Variants in FAM135B observed in about 807,000 individuals in gnomAD.
FAM135B encodes the protein protein FAM135B.
In FAM135B, 43 loss-of-function variants were observed where a neutral mutation model predicts 127.7. The ratio of observed to expected loss-of-function variants is 0.34; its 90% CI spans 0.26 to 0.43. The LOEUF (loss-of-function observed/expected upper bound fraction) is 0.43, where lower values mean the gene tolerates loss of function less well. Ranked by LOEUF, FAM135B falls within the 20% of genes least tolerant of loss-of-function variation. The pLI is 1.00. For synonymous variants in FAM135B, 670 were observed against 665.1 expected, an observed-to-expected ratio of 1.01 and a Z score of -0.11; for missense variants, 1,558 against 1,725.6, an observed-to-expected ratio of 0.90 and a Z score of 1.72.
At chr8:138,156,404 A>G (rs1181318866) in intron 12 of FAM135B, among the ~76,000 whole-genome samples, 1 of 152,188 alleles carries the variant, frequency 6.6e-6, no homozygotes, top group Non-Finnish European at 1.5e-5. Flanking sequence ...GCAAGAGCAA[A>G]CACATTCAAA....
chr8:138,226,275 A>G (rs7819795), intron 7 of FAM135B, among the ~76,000 whole-genome samples: 30,020 of 151,534 alleles, frequency 0.2, 3,117 homozygotes, highest in East Asian at 0.33. Context: ...TGGAGACACC[A>G]TGATGAACAA....
At chr8:138,377,450 C>A (rs1318345632) in intron 1 of FAM135B, among the ~76,000 whole-genome samples, 1 of 152,094 alleles carries the variant, frequency 6.6e-6, no homozygotes, top group Non-Finnish European at 1.5e-5. Flanking sequence ...GCTGGGAAGT[C>A]CAAGAGCAGA....
intron 19 of FAM135B, among the ~76,000 whole-genome samples, chr8:138,136,518 A>AT: frequency 6.6e-6 from 1 of 152,260 alleles, no homozygotes; most frequent in African/African-American, 2.4e-5. Flanking sequence ...GTATGCAGGA[A>AT]TTTTTTGTAC....
intron 2 of FAM135B, among the ~76,000 whole-genome samples, chr8:138,338,369 G>T (rs1170907888): frequency 6.6e-6 from 1 of 151,920 alleles, no homozygotes; most frequent in Non-Finnish European, 1.5e-5. Flanking sequence ...ATCTGACAAA[G>T]GGCTAATACC....
At chr8:138,146,464 T>C (rs1477169655) in intron 14 of FAM135B, among the ~76,000 whole-genome samples, 2 of 152,270 alleles carry the variant, frequency 1.3e-5, no homozygotes, top group East Asian at 3.9e-4. Flanking sequence ...AAAGGAAGAC[T>C]ATCTAGTGCT....
At chr8:138,225,920 G>A (rs925535916) in intron 7 of FAM135B, among the ~76,000 whole-genome samples, 1 of 152,074 alleles carries the variant, frequency 6.6e-6, no homozygotes, top group Non-Finnish European at 1.5e-5. Flanking sequence ...GGAGGGAGGA[G>A]TAAATTTCAG....
At chr8:138,368,396 C>T (rs1191753791) in intron 1 of FAM135B, among the ~76,000 whole-genome samples, 1 of 152,184 alleles carries the variant, frequency 6.6e-6, no homozygotes, top group Non-Finnish European at 1.5e-5. Context: ...TAACTTCTCC[C>T]ATCTTCAGTG....
intron 7 of FAM135B, among the ~76,000 whole-genome samples, chr8:138,217,432 C>CTTTTT (rs538347463): frequency 0.038 from 4,956 of 129,132 alleles, 272 homozygotes; most frequent in African/African-American, 0.1. Context: ...TGATATATTT[C>CTTTTT]TTTTTTTTTT....
intron 2 of FAM135B, among the ~76,000 whole-genome samples, chr8:138,352,360 G>A (rs1393409226): frequency 1.3e-5 from 2 of 152,118 alleles, no homozygotes; most frequent in African/African-American, 2.4e-5. Flanking sequence ...CAAAATATCA[G>A]GTGTACCCCA....
At chr8:138,252,861 A>G (rs556504410) in intron 5 of FAM135B, among the ~76,000 whole-genome samples, 37 of 152,304 alleles carry the variant, frequency 2.4e-4, no homozygotes, top group African/African-American at 7.7e-4. Context: ...GTGCAGTGGC[A>G]TAATCTCGGC....
intron 1 of FAM135B, among the ~76,000 whole-genome samples, chr8:138,373,867 G>A (rs1003635137): frequency 4.6e-5 from 7 of 152,040 alleles, no homozygotes; most frequent in African/African-American, 7.2e-5. Flanking sequence ...TGGTCAGACC[G>A]GTTGCTCTCA....
chr8:138,489,829 C>T (rs748266221), intron 1 of FAM135B, among the ~76,000 whole-genome samples: 3 of 152,164 alleles, frequency 2.0e-5, no homozygotes, highest in Non-Finnish European at 2.9e-5. Context: ...CTCCTTATCC[C>T]ACGTTTATCT....
chr8:138,356,960 T>C (rs1385835115), intron 2 of FAM135B, among the ~76,000 whole-genome samples: 4 of 152,132 alleles, frequency 2.6e-5, no homozygotes, highest in Admixed American at 2.0e-4. Context: ...CAGAAGAGAT[T>C]TGGGAGTATA....
At chr8:138,190,895 G>A (rs1421885629) in intron 9 of FAM135B, among the ~76,000 whole-genome samples, 1 of 152,078 alleles carries the variant, frequency 6.6e-6, no homozygotes, top group Non-Finnish European at 1.5e-5. Context: ...GCTTTGAGTT[G>A]CCCCACCTTT....
intron 1 of FAM135B, among the ~76,000 whole-genome samples, chr8:138,463,308 G>A (rs1024986294): frequency 2.0e-5 from 3 of 152,152 alleles, no homozygotes; most frequent in Non-Finnish European, 2.9e-5. Flanking sequence ...CACACAGTTA[G>A]AGCAGTGACA....
intron 7 of FAM135B, among the ~76,000 whole-genome samples, chr8:138,203,078 TAGATA>T (rs1337806548): frequency 1.3e-5 from 2 of 152,210 alleles, no homozygotes; most frequent in South Asian, 2.1e-4. Flanking sequence ...TGATAACTGT[TAGATA>T]AGATGTTTTA....
chr8:138,351,100 G>A (rs574652575), intron 2 of FAM135B, among the ~76,000 whole-genome samples: 11 of 152,218 alleles, frequency 7.2e-5, no homozygotes, highest in Middle Eastern at 3.4e-3. Context: ...TCACATATAA[G>A]GCATGCCTTT....
chr8:138,447,271 G>C (rs1836229049), intron 1 of FAM135B, among the ~76,000 whole-genome samples: 1 of 152,118 alleles, frequency 6.6e-6, no homozygotes, highest in South Asian at 2.1e-4. Flanking sequence ...TCTAGAACTA[G>C]AAATACCATT....
chr8:138,363,097 G>A (rs1209370704), intron 2 of FAM135B, among the ~76,000 whole-genome samples: 1 of 152,138 alleles, frequency 6.6e-6, no homozygotes, highest in African/African-American at 2.4e-5. Context: ...AGGGGGAAGA[G>A]GGCCAAGAAT....
Sources: allele counts gnomAD v4.1 joint callset (sites outside exome capture counted in the v4.1 genomes callset), GRCh38; gene constraint gnomAD v4.1.1; transcripts MANE v1.5; gene names NCBI Gene and HGNC (gene_info 2026-07-23, HGNC 2026-07-21).